PCID2: variants seen among roughly 807,000 people sequenced by gnomAD.
The protein encoded by PCID2 is PCI domain-containing protein 2.
A neutral mutation model predicts 61.3 loss-of-function variants in PCID2; 41 were observed. The observed-to-expected ratio is 0.67, with a 90% CI of 0.52 to 0.87. The LOEUF is 0.87. Ranked by LOEUF, PCID2 falls within the 40% of genes least tolerant of loss-of-function variation. The pLI is 0.00. For synonymous variants in PCID2, 187 were observed against 177.8 expected (o/e 1.05, Z -0.41); for missense variants, 392 against 493.4 (o/e 0.79, Z 1.95).
chr13:113,202,666 G>A (rs767815684), intron 1 of PCID2, among the ~76,000 whole-genome samples: 4 of 152,172 alleles, frequency 2.6e-5, no homozygotes, highest in Admixed American at 6.5e-5. Context: ...AGAATGAAGG[G>A]AAACAAGAAA....
At chr13:113,173,019 C>T (rs559394774), downstream of PCID2, among the ~76,000 whole-genome samples, 3 of 152,200 alleles carry the variant, frequency 2.0e-5, no homozygotes, top group Non-Finnish European at 4.4e-5. Context: ...GCCATGAGGG[C>T]TCTGCCAGCC....
At chr13:113,182,044 G>A (rs574047951) in intron 9 of PCID2, among the ~76,000 whole-genome samples, 2 of 152,280 alleles carry the variant, frequency 1.3e-5, no homozygotes, top group African/African-American at 4.8e-5. Flanking sequence ...TCAAGAATTA[G>A]GAAAGTGAGA....
intron 1 of PCID2, among the ~76,000 whole-genome samples, chr13:113,201,844 A>C (rs2039461108): frequency 1.3e-5 from 2 of 152,050 alleles, no homozygotes; most frequent in South Asian, 4.1e-4. Flanking sequence ...AGGACATAAA[A>C]ATTCTAACTA....
the PCID2 span, chr13:113,166,574 G>T: frequency 6.6e-6 from 1 of 152,328 alleles, no homozygotes; most frequent in Admixed American, 6.5e-5. Context: ...AAGCCACCCA[G>T]CTCCAAGGTG....
chr13:113,167,797 A>G, the PCID2 span, among the ~76,000 whole-genome samples: 1 of 148,880 alleles, frequency 6.7e-6, no homozygotes, highest in Non-Finnish European at 1.5e-5. Flanking sequence ...GTAATTGTCG[A>G]TATGTTTACG....
downstream of PCID2, among the ~76,000 whole-genome samples, chr13:113,174,057 T>C (rs535116452): frequency 6.7e-6 from 1 of 149,238 alleles, no homozygotes; most frequent in South Asian, 2.1e-4. Flanking sequence ...TGAAACTCCA[T>C]CTCTACTAAA....
chr13:113,205,933 G>C (rs1408499296), intron 1 of PCID2, among the ~76,000 whole-genome samples: 1 of 152,222 alleles, frequency 6.6e-6, no homozygotes, highest in Non-Finnish European at 1.5e-5. Flanking sequence ...CTTTAAAATG[G>C]TTAAATGGTA....
At chr13:113,181,356 A>C in intron 9 of PCID2, 126 bp from the exon 10 acceptor site, 1 of 597,114 alleles carries the variant, frequency 1.7e-6, no homozygotes, top group South Asian at 2.1e-5. Flanking sequence ...TTATCTCAAA[A>C]AATATCATCC....
chr13:113,185,789 C>A, intron 7 of PCID2: 1 of 420,530 alleles, frequency 2.4e-6, no homozygotes, highest in Non-Finnish European at 4.2e-6. Flanking sequence ...CCAGGAAAAT[C>A]CCAATTAACT....
downstream of PCID2, among the ~76,000 whole-genome samples, chr13:113,177,328 G>T (rs2037217375): frequency 6.6e-6 from 1 of 151,532 alleles, no homozygotes; most frequent in African/African-American, 2.4e-5. Context: ...GTAGAGACGG[G>T]GTTTCTCCAT....
chr13:113,193,558 G>A (rs1320095399), intron 6 of PCID2, among the ~76,000 whole-genome samples: 2 of 152,108 alleles, frequency 1.3e-5, no homozygotes, highest in Non-Finnish European at 2.9e-5. Flanking sequence ...TGGAAATATA[G>A]TTATTTTTTA....
At chr13:113,189,283 T>C (rs925030340) in intron 7 of PCID2, among the ~76,000 whole-genome samples, 1 of 152,118 alleles carries the variant, frequency 6.6e-6, no homozygotes, top group East Asian at 1.9e-4. Context: ...TGCAGAACTG[T>C]GAGCCAAATA....
At chr13:113,192,660 A>T (rs1463958539) in intron 6 of PCID2, among the ~76,000 whole-genome samples, 1 of 152,172 alleles carries the variant, frequency 6.6e-6, no homozygotes, top group African/African-American at 2.4e-5. Context: ...CCTTACTCCA[A>T]GGCTTTTCTG....
intron 3 of PCID2, among the ~76,000 whole-genome samples, chr13:113,197,947 A>G (rs78646635): frequency 0.017 from 2,599 of 152,332 alleles, 69 homozygotes; most frequent in African/African-American, 0.058. Context: ...TTCGGCTCCA[A>G]ACTCTACTAA....
intron 10 of PCID2, among the ~76,000 whole-genome samples, chr13:113,180,445 G>A (rs929709965): frequency 2.6e-5 from 4 of 152,332 alleles, no homozygotes; most frequent in South Asian, 2.1e-4. Context: ...TCCATGACAC[G>A]TGACCTTGAT....
intron 2 of PCID2, among the ~76,000 whole-genome samples, chr13:113,198,579 C>G (rs2039190975): frequency 6.6e-6 from 1 of 152,146 alleles, no homozygotes. Flanking sequence ...GTGGTACACG[C>G]TGGTAATCCC....
chr13:113,171,671 G>C, the PCID2 span: 1 of 1,614,034 alleles, frequency 6.2e-7, no homozygotes, highest in Admixed American at 1.7e-5. This position sits in a 1 kb window ranked among gnomAD's most constrained non-coding sequence, Gnocchi z 5.1. Flanking sequence ...TGACGCGGAC[G>C]CGGGGGAGAA....
intron 9 of PCID2, among the ~76,000 whole-genome samples, chr13:113,183,371 CTT>C (rs1566946793): frequency 6.6e-6 from 1 of 151,878 alleles, no homozygotes; most frequent in Non-Finnish European, 1.5e-5. Flanking sequence ...AAATCAGTAT[CTT>C]AATAAAATCC....
chr13:113,176,548 G>GGCTGAGGCGGGGGAATTGC (rs1566935008), downstream of PCID2, among the ~76,000 whole-genome samples: 1 of 6,326 alleles, frequency 1.6e-4, no homozygotes. Flanking sequence ...AATTGCTTTA[G>GGCTGAGGCGGGGGAATTGC]CCCAGGCGTT....
Sources: allele counts gnomAD v4.1 joint callset (sites outside exome capture counted in the v4.1 genomes callset), GRCh38; gene constraint gnomAD v4.1.1; non-coding constraint Gnocchi (gnomAD v3.1); transcripts MANE v1.5; gene names NCBI Gene and HGNC (gene_info 2026-07-23, HGNC 2026-07-21).